Variants in TNFRSF1B observed in about 807,000 individuals in gnomAD.
TNFRSF1B encodes tumor necrosis factor receptor superfamily member 1B.
In TNFRSF1B, 19 loss-of-function variants were observed where a neutral mutation model predicts 44.6. The observed-to-expected ratio is 0.43, with a 90% CI of 0.30 to 0.62. The LOEUF is 0.62. Among genes scored for constraint, TNFRSF1B ranks in the 20% least tolerant of loss-of-function variants. TNFRSF1B has a pLI of 0.16. For synonymous variants in TNFRSF1B, 252 were observed against 261.1 expected, an observed-to-expected ratio of 0.97 and a Z score of 0.34; for missense variants, 541 against 619.9, an observed-to-expected ratio of 0.87 and a Z score of 1.35.
chr1:12,174,088 C>T (rs1301957810), intron 1 of TNFRSF1B, among the ~76,000 whole-genome samples: 2 of 151,922 alleles, frequency 1.3e-5, no homozygotes, highest in African/African-American at 4.8e-5. Flanking sequence ...TTCCTGTGGG[C>T]TGTGACAAGC....
Position 12,168,517 on chromosome 1 carries a change from A to G in TNFRSF1B, c.78+1348A>G, listed in dbSNP as rs1309599123. 1.3e-5 allele frequency among the ~76,000 whole-genome samples: 2 copies of G among 152,096 alleles called. No individual in the cohort carries two copies. The highest frequency in any genetic ancestry group is 4.2e-4 in the South Asian group (2 of 4,814). ...TGGTCCCCAGCTTGACTTTGGGGTC[A>G]TGCCATATACTCTGGCCTCAGAGGG... is the stretch of plus-strand genomic sequence containing the variant. On this transcript the variant is annotated intron_variant, in intron 1 of 9. Coordinates refer to ENST00000376259, the MANE Select transcript of TNFRSF1B (RefSeq NM_001066.3). The surrounding 1 kb of genome is among the most constrained non-coding windows in gnomAD (Gnocchi z 4.7).
At chr1:12,189,010 C>A (rs1328539128) in intron 2 of TNFRSF1B, 115 bp downstream of exon 2, 23 of 828,452 alleles carry the variant, frequency 2.8e-5, no homozygotes, top group Non-Finnish European at 1.5e-5. Flanking sequence ...GTTCTATGCA[C>A]TGGCCCATGC....
intron 1 of TNFRSF1B, among the ~76,000 whole-genome samples, chr1:12,182,744 C>A (rs886357838): frequency 1.7e-4 from 26 of 152,206 alleles, no homozygotes; most frequent in Non-Finnish European, 2.9e-4. Context: ...AGTTGCTTAG[C>A]AAATATCCCA....
chr1:12,205,705 T>G (rs747101355), intron 9 of TNFRSF1B, among the ~76,000 whole-genome samples: 11 of 152,170 alleles, frequency 7.2e-5, no homozygotes, highest in Admixed American at 6.5e-5. Context: ...CACTGCAACC[T>G]CCGTAGCCTG....
intron 8 of TNFRSF1B, among the ~76,000 whole-genome samples, chr1:12,198,379 C>T (rs1199780204): frequency 6.6e-6 from 1 of 152,174 alleles, no homozygotes; most frequent in Non-Finnish European, 1.5e-5. Context: ...CAGTGTGGCA[C>T]AGCTAATGAT....
intron 2 of TNFRSF1B, among the ~76,000 whole-genome samples, chr1:12,189,988 C>G (rs867241952): frequency 1.3e-5 from 2 of 152,018 alleles, no homozygotes; most frequent in African/African-American, 4.8e-5. Flanking sequence ...CCAGGATGAG[C>G]GAAGGCGAGT....
At position 12,169,220 on chromosome 1, in the gene TNFRSF1B, ATCCCCCTCAGTGGATGGAAGGTGTC is replaced by A. The variant is rs1280043199; in HGVS notation, c.78+2053_78+2077del. Among the ~76,000 whole-genome samples, 1 of 152,082 alleles carries A rather than the reference ATCCCCCTCAGTGGATGGAAGGTGTC, an allele frequency of 6.6e-6. No homozygotes were observed. The highest frequency in any genetic ancestry group is 1.5e-5 in the Non-Finnish European group (1 of 68,012). On this transcript the variant is annotated intron_variant, in intron 1 of 9. Transcript: ENST00000376259. This position sits in a 1 kb window ranked among gnomAD's most constrained non-coding sequence, Gnocchi z 4.5. ...CTGCTTTTTAATCTAGCTGTGTTTTATCCCCCTCAGTGGATGGAAGGTGTCTTCAGGGCCAGAACTGTGGGTTCCT... is the reference window on the plus strand; with the variant it reads ...CTGCTTTTTAATCTAGCTGTGTTTTATTCAGGGCCAGAACTGTGGGTTCCT...
At chr1:12,172,542 A>G (rs1262491749) in intron 1 of TNFRSF1B, among the ~76,000 whole-genome samples, 1 of 152,170 alleles carries the variant, frequency 6.6e-6, no homozygotes, top group Non-Finnish European at 1.5e-5. Context: ...ACCCCTGTGG[A>G]GTCAGACTGT....
chr1:12,200,991 G>A (rs1297187392), intron 8 of TNFRSF1B, among the ~76,000 whole-genome samples: 1 of 151,972 alleles, frequency 6.6e-6, no homozygotes, highest in African/African-American at 2.4e-5. Context: ...GGTGGTGCAC[G>A]CCTGGTATCC....
intron 1 of TNFRSF1B, among the ~76,000 whole-genome samples, chr1:12,172,297 C>T (rs142021213): frequency 2.8e-4 from 42 of 152,238 alleles, no homozygotes; most frequent in African/African-American, 9.6e-4. Flanking sequence ...ATCAGATAAA[C>T]CTCAAGTCGC....
At position 12,191,797 on chromosome 1, in the gene TNFRSF1B, A is replaced by T; in HGVS notation, c.331A>T (p.Thr111Ser). 11 of 1,613,504 alleles carry T rather than the reference A, an allele frequency of 6.8e-6. No individual in the cohort carries two copies. Among genetic ancestry groups the T allele is most frequent in the Non-Finnish European group, 9.3e-6 (11 of 1,179,782 alleles). Residue 111 changes from threonine to serine, a missense_variant, in exon 4 of 10, where the codon ACT (threonine) becomes TCT (serine). Thr to Ser is a moderately conservative substitution (Grantham distance 58). Coordinates refer to ENST00000376259, the MANE Select transcript of TNFRSF1B (RefSeq NM_001066.3). ...SSDQVETQAC[T>S]REQNRICTCR... ...AGACCAGGTGGAAACTCAAGCCTGC[A>T]CTCGGGAACAGAACCGCATCTGCAC...
At position 12,186,949 on chromosome 1, in the gene TNFRSF1B, G is replaced by A. The variant is rs562223355; in HGVS notation, c.79-1847G>A. 2.1e-4 allele frequency among the ~76,000 whole-genome samples: 32 copies of A among 152,250 alleles called. No individual in the cohort carries two copies. Among genetic ancestry groups the A allele is most frequent in the Middle Eastern group, 3.4e-3 (1 of 294 alleles). ...ATTAATGCTTGTCCCTGAAAGCCCG[G>A]ACTGCCAACCCCAGTCTTTCAGGAG... On this transcript the variant is annotated intron_variant, in intron 1 of 9. Coordinates refer to ENST00000376259, the MANE Select transcript of TNFRSF1B (RefSeq NM_001066.3). This position sits in a 1 kb window ranked among gnomAD's most constrained non-coding sequence, Gnocchi z 4.8.
At chr1:12,181,045 G>C (rs539773151) in intron 1 of TNFRSF1B, among the ~76,000 whole-genome samples, 1 of 152,090 alleles carries the variant, frequency 6.6e-6, no homozygotes, top group African/African-American at 2.4e-5. Context: ...TCACAGCAGC[G>C]GGCCTGCCAT....
rs4044500 is a variant in TNFRSF1B, at chr1:12,192,276, CTGTGTG to C, written c.458-129_458-124del. 5,735 of 682,640 alleles carry C rather than the reference CTGTGTG, an allele frequency of 8.4e-3. 1 individual carries two copies. Among genetic ancestry groups the C allele is most frequent in the Middle Eastern group, 0.022 (62 of 2,756 alleles). 42.3% of individuals were successfully genotyped at this position (682,640 alleles called of 1,614,324 possible). A position where few individuals can be genotyped will look rare whatever the true frequency, so the allele number is the denominator to read the frequency against. On this transcript the variant is annotated intron_variant, in intron 4 of 9. Coordinates refer to ENST00000376259, the MANE Select transcript of TNFRSF1B (RefSeq NM_001066.3). ...TGTGTGTGCATGTGTGTACAGGCAT[CTGTGTG>C]TGTGTGTGTGTGTGTGTGTGTGTGT...
intron 8 of TNFRSF1B, among the ~76,000 whole-genome samples, chr1:12,200,259 T>G (rs1424080908): frequency 6.6e-6 from 1 of 151,420 alleles, no homozygotes; most frequent in Non-Finnish European, 1.5e-5. Flanking sequence ...AAATGTCAGC[T>G]AATAATATTA....
At chr1:12,170,867 G>A (rs1427442726) in intron 1 of TNFRSF1B, among the ~76,000 whole-genome samples, 3 of 151,590 alleles carry the variant, frequency 2.0e-5, no homozygotes, top group Non-Finnish European at 2.9e-5. Flanking sequence ...GTAGAGTCGG[G>A]GTTTCACCAT....
chr1:12,191,445 G>T (rs556233052), intron 3 of TNFRSF1B, among the ~76,000 whole-genome samples: 1 of 152,028 alleles, frequency 6.6e-6, no homozygotes, highest in Admixed American at 6.5e-5. Flanking sequence ...GAGCGGCACT[G>T]CGGGGAGGAG....
rs1056514445 is a variant in TNFRSF1B at position 12,199,725 on chromosome 1, C to T, written c.901-2242C>T. ...CTTTCTTGGGGGGCGGTGGCACCTG[C>T]GCTGCTCGCTCCACCCCTGCTCTCA... On this transcript the variant is annotated intron_variant, in intron 8 of 9. Transcript: ENST00000376259. This position sits in a 1 kb window ranked among gnomAD's most constrained non-coding sequence, Gnocchi z 4.0. 3.3e-5 allele frequency among the ~76,000 whole-genome samples: 5 copies of T among 152,156 alleles called. No homozygotes were observed. The highest frequency in any genetic ancestry group is 7.4e-5 in the Non-Finnish European group (5 of 68,016).
intron 8 of TNFRSF1B, among the ~76,000 whole-genome samples, 178 bp downstream of exon 8, chr1:12,194,796 G>A (rs1639230655): frequency 6.6e-6 from 1 of 152,238 alleles, no homozygotes; most frequent in Admixed American, 6.5e-5. Context: ...GGCTAAGAGA[G>A]GCTGTGAGTG....
Sources: gnomAD v4.1 joint callset for allele counts (sites outside exome capture counted in the v4.1 genomes callset) on GRCh38, gnomAD v4.1.1 for gene constraint, Gnocchi (gnomAD v3.1) non-coding constraint, MANE v1.5 for transcripts, NCBI Gene and HGNC (gene_info 2026-07-23, HGNC 2026-07-21) for gene names.